LINGO2: variants seen among roughly 807,000 people sequenced by gnomAD.
The protein encoded by LINGO2 is leucine rich repeat and Ig domain containing 2.
Under a neutral mutation model 30.6 loss-of-function variants are expected in LINGO2, and 14 were observed. That is an observed-to-expected ratio of 0.46 (90% CI 0.30 to 0.72). The LOEUF is 0.72. Among genes scored for constraint, LINGO2 ranks in the 30% least tolerant of loss-of-function variants. The pLI is 0.07. For missense variants in LINGO2, 729 were observed against 751.7 expected (o/e 0.97, Z 0.35); for synonymous variants, 317 against 288.5 (o/e 1.10, Z -1.00).
At chr9:28,934,199 T>C in the LINGO2 span, among the ~76,000 whole-genome samples, 1 of 152,228 alleles carries the variant, frequency 6.6e-6, no homozygotes, top group Non-Finnish European at 1.5e-5. Context: ...TGCCCACACA[T>C]GACTTTAAAT....
intron 2 of LINGO2, among the ~76,000 whole-genome samples, chr9:28,417,717 C>T (rs1398031473): frequency 6.6e-6 from 1 of 152,132 alleles, no homozygotes; most frequent in African/African-American, 2.4e-5. Context: ...ACCTTGTGTG[C>T]AATATCTGTG....
At chr9:28,729,943 T>A in the LINGO2 span, among the ~76,000 whole-genome samples, 3 of 151,940 alleles carry the variant, frequency 2.0e-5, no homozygotes, top group Non-Finnish European at 2.9e-5. Context: ...ATATCCATAA[T>A]GAAGGGAAAC....
At chr9:28,172,175 A>G (rs1016807973) in intron 4 of LINGO2, among the ~76,000 whole-genome samples, 7 of 151,174 alleles carry the variant, frequency 4.6e-5, no homozygotes, top group African/African-American at 1.7e-4. Context: ...GCGGATCACG[A>G]GGTCAGGAGA....
At chr9:28,469,486 T>G (rs62557760) in intron 2 of LINGO2, among the ~76,000 whole-genome samples, 1 of 151,988 alleles carries the variant, frequency 6.6e-6, no homozygotes, top group Admixed American at 6.6e-5. Context: ...AAATTCCAAG[T>G]AGAATAAAGA....
intron 3 of LINGO2, among the ~76,000 whole-genome samples, chr9:28,323,394 G>A (rs926256442): frequency 2.0e-5 from 3 of 152,194 alleles, no homozygotes; most frequent in African/African-American, 7.2e-5. Flanking sequence ...GAGGTCAGGA[G>A]TTCTAGACCA....
chr9:28,900,839 A>G, the LINGO2 span, among the ~76,000 whole-genome samples: 1 of 152,218 alleles, frequency 6.6e-6, no homozygotes, highest in Non-Finnish European at 1.5e-5. Context: ...GTGAAAATTT[A>G]TTAACCGCCT....
chr9:29,091,667 C>T, the LINGO2 span, among the ~76,000 whole-genome samples: 4 of 151,964 alleles, frequency 2.6e-5, no homozygotes, highest in East Asian at 5.8e-4. Flanking sequence ...ATGTCTATCT[C>T]GTCCACAGGA....
intron 2 of LINGO2, among the ~76,000 whole-genome samples, chr9:28,473,330 T>C (rs1218198484): frequency 6.6e-6 from 1 of 152,060 alleles, no homozygotes; most frequent in Non-Finnish European, 1.5e-5. Flanking sequence ...GAATTGTTGG[T>C]AGATGGATCA....
chr9:28,272,673 G>A (rs1238828468), intron 4 of LINGO2, among the ~76,000 whole-genome samples: 1 of 150,982 alleles, frequency 6.6e-6, no homozygotes, highest in African/African-American at 2.4e-5. Context: ...CCCTACTTCT[G>A]CCCTTGAACC....
chr9:28,735,373 T>C, the LINGO2 span, among the ~76,000 whole-genome samples: 1 of 152,184 alleles, frequency 6.6e-6, no homozygotes, highest in East Asian at 1.9e-4. Flanking sequence ...ATACCCTTAA[T>C]TATCATACAT....
intron 1 of LINGO2, among the ~76,000 whole-genome samples, chr9:28,639,201 C>A (rs1419094974): frequency 1.3e-5 from 2 of 152,106 alleles, no homozygotes; most frequent in African/African-American, 4.8e-5. Flanking sequence ...GTTATAATTT[C>A]TGTTCTTTTA....
chr9:28,692,000 C>T, the LINGO2 span, among the ~76,000 whole-genome samples: 1 of 152,130 alleles, frequency 6.6e-6, no homozygotes, highest in Non-Finnish European at 1.5e-5. Flanking sequence ...AATCTCATCC[C>T]TCATTATCTC....
chr9:28,693,391 G>A, the LINGO2 span, among the ~76,000 whole-genome samples: 1 of 152,180 alleles, frequency 6.6e-6, no homozygotes, highest in South Asian at 2.1e-4. Context: ...AACATTTATT[G>A]CACTGCTCTC....
intron 1 of LINGO2, among the ~76,000 whole-genome samples, chr9:28,608,711 C>T (rs1238857228): frequency 6.6e-6 from 1 of 151,860 alleles, no homozygotes; most frequent in Admixed American, 6.6e-5. Flanking sequence ...TAAGCTAAAA[C>T]TAACTGTATC....
chr9:28,973,674 T>G, the LINGO2 span, among the ~76,000 whole-genome samples: 2 of 152,200 alleles, frequency 1.3e-5, no homozygotes, highest in East Asian at 3.9e-4. Context: ...CTTTCCTTTA[T>G]AAATTACCCA....
the LINGO2 span, among the ~76,000 whole-genome samples, chr9:28,969,592 A>C: frequency 6.6e-6 from 1 of 152,192 alleles, no homozygotes; most frequent in East Asian, 1.9e-4. Flanking sequence ...CAGAAAAACC[A>C]GTCAGGAAGT....
chr9:28,884,566 C>T, the LINGO2 span, among the ~76,000 whole-genome samples: 7 of 151,706 alleles, frequency 4.6e-5, no homozygotes, highest in East Asian at 3.9e-4. Context: ...TATCGACCTG[C>T]GGACCTTTGT....
At chr9:28,151,383 A>T (rs1312361656) in intron 4 of LINGO2, among the ~76,000 whole-genome samples, 1 of 151,974 alleles carries the variant, frequency 6.6e-6, no homozygotes, top group African/African-American at 2.4e-5. Flanking sequence ...TTTCTTAACT[A>T]AATGTGAATT....
chr9:28,552,406 T>C (rs1032533018), intron 1 of LINGO2, among the ~76,000 whole-genome samples: 4 of 152,092 alleles, frequency 2.6e-5, no homozygotes, highest in Admixed American at 2.6e-4. Flanking sequence ...CCCTAGATTA[T>C]AACTCATACT....
Sources: allele counts gnomAD v4.1 joint callset (sites outside exome capture counted in the v4.1 genomes callset), GRCh38; gene constraint gnomAD v4.1.1; transcripts MANE v1.5; gene names NCBI Gene and HGNC (gene_info 2026-07-23, HGNC 2026-07-21).